PAICS: variants seen among roughly 807,000 people sequenced by gnomAD.
The protein encoded by PAICS is bifunctional phosphoribosylaminoimidazole carboxylase/phosphoribosylaminoimidazole succinocarboxamide synthetase.
Under a neutral mutation model 53.7 loss-of-function variants are expected in PAICS, and 33 were observed. The observed-to-expected ratio is 0.61, with a 90% CI of 0.47 to 0.82. The LOEUF is 0.82. Ranked by LOEUF, PAICS falls within the 40% of genes least tolerant of loss-of-function variation. PAICS has a pLI of 0.00. For missense variants in PAICS, 394 were observed against 494.1 expected, an observed-to-expected ratio of 0.80 and a Z score of 1.92; for synonymous variants, 141 against 167.2, an observed-to-expected ratio of 0.84 and a Z score of 1.21.
chr4:56,442,939 A>T (rs1461667866), intron 2 of PAICS, among the ~76,000 whole-genome samples: 1 of 152,192 alleles, frequency 6.6e-6, no homozygotes, highest in African/African-American at 2.4e-5. Flanking sequence ...AATGTGAAAA[A>T]GATTTAATTG....
rs1273669507 is a variant in PAICS at position 56,463,239 on chromosome 4, A to T, written c.*3701A>T. The T allele has an allele frequency of 6.6e-6, 1 of 152,106 alleles. No homozygotes were observed. Among genetic ancestry groups the T allele is most frequent in the Non-Finnish European group, 1.5e-5 (1 of 68,036 alleles). The allele number at this position is 152,106 out of a possible 1,614,324, so 9.4% of individuals were successfully genotyped here. A position where few individuals can be genotyped will look rare whatever the true frequency, so the allele number is the denominator to read the frequency against. On this transcript the variant is annotated 3_prime_UTR_variant, in exon 9 of 9. Coordinates refer to ENST00000512576, the MANE Select transcript of PAICS (RefSeq NM_001079524.2). ...GTTAATCTCACATTGCAGTACAATGAAAATAGTGGAATGGAAATCAAGTTA... is the reference window on the plus strand; with the variant it reads ...GTTAATCTCACATTGCAGTACAATGTAAATAGTGGAATGGAAATCAAGTTA...
chr4:56,410,526 G>T, the PAICS span: 4 of 986,548 alleles, frequency 4.1e-6, no homozygotes, highest in Admixed American at 2.5e-4. Flanking sequence ...ATGGAGAGTG[G>T]AGCAGGAAAG....
At chr4:56,441,391 A>G (rs1718329723) in intron 1 of PAICS, among the ~76,000 whole-genome samples, 1 of 151,308 alleles carries the variant, frequency 6.6e-6, no homozygotes, top group Admixed American at 6.6e-5. Flanking sequence ...TACCTCTTAT[A>G]TTTCCTAACT....
At position 56,446,847 on chromosome 4, in the gene PAICS, C is replaced by T; in HGVS notation, c.367C>T (p.Pro123Ser). ...PGVKEGYKFYPPKVELFFKDD... is the reference protein window; with the variant it reads ...PGVKEGYKFYSPKVELFFKDD... ...TGTCAAGGAAGGATATAAGTTTTAC[C>T]CACCTAAAGTGGAGTTGTTTTTCAA... is the stretch of plus-strand genomic sequence containing the variant. The change falls in exon 3 of 9, where the codon CCA (proline) becomes TCA (serine). Residue 123 changes from proline (P) to serine (S), a missense_variant. Pro to Ser is a moderately conservative substitution (Grantham distance 74, BLOSUM62 -1). Transcript: ENST00000512576. The T allele has an allele frequency of 6.2e-7, 1 of 1,608,460 alleles. No homozygotes were observed. Among genetic ancestry groups the T allele is most frequent in the Non-Finnish European group, 8.5e-7 (1 of 1,176,790 alleles).
At chr4:56,449,968 C>CT (rs780601439) in intron 5 of PAICS, among the ~76,000 whole-genome samples, 21 of 146,234 alleles carry the variant, frequency 1.4e-4, no homozygotes, top group Non-Finnish European at 1.8e-4. Context: ...GAGCGAGACT[C>CT]TGTCTCCAAA....
At position 56,453,666 on chromosome 4, in the gene PAICS, T is replaced by C; in HGVS notation, c.1016T>C (p.Met339Thr). The change falls in exon 8 of 9, where the codon ATG (methionine) becomes ACG (threonine). Residue 339 changes from methionine to threonine, a missense_variant. Physicochemically the swap from Met to Thr is moderately conservative, Grantham distance 81. Around this residue, in one of 3 missense-constraint regions of PAICS, gnomAD observed 131 missense variants for 205.5 expected, o/e 0.64. Coordinates refer to ENST00000512576, the MANE Select transcript of PAICS (RefSeq NM_001079524.2). ...AGAAGTAATGGTTTGGGACCAGTGATGTCTGGGAACACTGCATATCCAGTT... is the reference window on the plus strand; with the variant it reads ...AGAAGTAATGGTTTGGGACCAGTGACGTCTGGGAACACTGCATATCCAGTT... The part of the protein sequence containing the change: ...AGRSNGLGPV[M>T]SGNTAYPVIS... 1 of 1,573,306 alleles carries C rather than the reference T, an allele frequency of 6.4e-7. No homozygotes were observed. Among genetic ancestry groups the C allele is most frequent in the East Asian group, 2.3e-5 (1 of 43,764 alleles).
In PAICS at chr4:56,463,977, G is replaced by T. The variant is rs1719597950; in HGVS notation, c.*4439G>T. The stretch of plus-strand genomic sequence containing the variant: ...AGGGCCTGAATAGAACAAAAAAGGG[G>T]AAGAAGGGTGAACTGCTGGGACATC... On this transcript the variant is annotated 3_prime_UTR_variant, in exon 9 of 9. Coordinates refer to ENST00000512576, the MANE Select transcript of PAICS (RefSeq NM_001079524.2). The T allele has an allele frequency of 6.6e-6, 1 of 152,098 alleles. No individual in the cohort carries two copies. Among genetic ancestry groups the T allele is most frequent in the African/African-American group, 2.4e-5 (1 of 41,326 alleles). 9.4% of individuals were successfully genotyped at this position (152,098 alleles called of 1,614,324 possible).
upstream of PAICS, among the ~76,000 whole-genome samples, chr4:56,432,860 T>A (rs1174806955): frequency 1.3e-5 from 2 of 148,852 alleles, no homozygotes; most frequent in African/African-American, 4.9e-5. Context: ...AAAAACACAA[T>A]CAAACCTTTT....
chr4:56,454,174 G>A (rs899065323), intron 8 of PAICS, among the ~76,000 whole-genome samples: 3 of 152,180 alleles, frequency 2.0e-5, no homozygotes, highest in African/African-American at 7.2e-5. Context: ...ATTAGAAAAG[G>A]TTTAGGGGAT....
At chr4:56,414,117 T>C in the PAICS span, 1 of 152,260 alleles carries the variant, frequency 6.6e-6, no homozygotes, top group Non-Finnish European at 1.5e-5. Context: ...ATCTGCAGAA[T>C]CCAAAAATTT....
Position 56,458,241 on chromosome 4 carries a change from C to T in PAICS, c.1112-1131C>T, listed in dbSNP as rs528863422. Among the ~76,000 whole-genome samples the T allele has an allele frequency of 7.2e-5, 11 of 151,814 alleles. No individual in the cohort carries two copies. The South Asian group carries it at 1.9e-3, about 26-fold the overall frequency. On this transcript the variant is annotated intron_variant, in intron 8 of 8. Coordinates refer to ENST00000512576, the MANE Select transcript of PAICS (RefSeq NM_001079524.2). ...GTAACCTGTGTAAAATCCTGAAGAC[C>T]GCCCATATTTCTCATCTCTGATGTC...
chr4:56,424,483 T>A, the PAICS span, among the ~76,000 whole-genome samples: 9 of 152,180 alleles, frequency 5.9e-5, no homozygotes, highest in Non-Finnish European at 7.4e-5. Context: ...TGCCGATAGA[T>A]TATCACTTAA....
chr4:56,437,234 A>G (rs1049350272), intron 1 of PAICS, among the ~76,000 whole-genome samples: 1 of 131,874 alleles, frequency 7.6e-6, no homozygotes, highest in African/African-American at 3.0e-5. Context: ...GGCTGTTTTT[A>G]GGTAGTCTTT....
chr4:56,419,359 A>G, the PAICS span, among the ~76,000 whole-genome samples: 2 of 152,232 alleles, frequency 1.3e-5, no homozygotes, highest in African/African-American at 4.8e-5. Flanking sequence ...TGGAAGAGAA[A>G]AAAAAGGTAT....
At position 56,436,279 on chromosome 4, in the gene PAICS, C is replaced by A. The variant is rs1284950263; in HGVS notation, c.-34C>A. 2 of 1,593,382 alleles carry A rather than the reference C, an allele frequency of 1.3e-6. No individual in the cohort carries two copies. Among genetic ancestry groups the A allele is most frequent in the African/African-American group, 1.3e-5 (1 of 74,382 alleles). The stretch of plus-strand genomic sequence containing the variant: ...TTTTCTAGAGTTCTGCCTCGCTTCC[C>A]GGCGCGGTCGCAGCCCTCAGCCCAC... On this transcript the variant is annotated 5_prime_UTR_variant, in exon 1 of 9. Transcript: ENST00000512576.
chr4:56,443,882 G>T (rs1411616230), intron 2 of PAICS, among the ~76,000 whole-genome samples: 1 of 152,102 alleles, frequency 6.6e-6, no homozygotes, highest in Non-Finnish European at 1.5e-5. Context: ...ACTTTATTTG[G>T]CACTTAACAT....
chr4:56,452,782 A>T (rs1361035831), intron 7 of PAICS, among the ~76,000 whole-genome samples: 1 of 152,210 alleles, frequency 6.6e-6, no homozygotes, highest in Non-Finnish European at 1.5e-5. Context: ...ACAGTTTCAG[A>T]ATATAGTACA....
the PAICS span, among the ~76,000 whole-genome samples, chr4:56,419,427 C>T: frequency 1.3e-5 from 2 of 152,038 alleles, no homozygotes; most frequent in African/African-American, 2.4e-5. Context: ...AGCCAGTAAC[C>T]GGCATAATAA....
chr4:56,463,738 C>T lies in PAICS; in HGVS notation c.*4200C>T, dbSNP rs1719592216. Reference sequence around the variant, plus strand: ...ATACTGTACATGGAAGCTTCTCAGGCTAAATCCATTAATATAAAAATACAT... The same window carrying T: ...ATACTGTACATGGAAGCTTCTCAGGTTAAATCCATTAATATAAAAATACAT... On this transcript the variant is annotated 3_prime_UTR_variant, in exon 9 of 9. Transcript: ENST00000512576. The T allele has an allele frequency of 6.6e-6, 1 of 151,042 alleles. No homozygotes were observed. Among genetic ancestry groups the T allele is most frequent in the Non-Finnish European group, 1.5e-5 (1 of 67,828 alleles). The allele number at this position is 151,042 out of a possible 1,614,324, so 9.4% of individuals were successfully genotyped here.
Sources: allele counts gnomAD v4.1 joint callset (sites outside exome capture counted in the v4.1 genomes callset), GRCh38; gene constraint gnomAD v4.1.1; regional missense constraint gnomAD v4.1.1; transcripts MANE v1.5; gene names NCBI Gene and HGNC (gene_info 2026-07-23, HGNC 2026-07-21).